HIBADH: variants seen among roughly 807,000 people sequenced by gnomAD.
The protein encoded by HIBADH is 3-hydroxyisobutyrate dehydrogenase, also known as 3-hydroxyisobutyrate dehydrogenase, mitochondrial.
Under a neutral mutation model 36.1 loss-of-function variants are expected in HIBADH, and 25 were observed. The observed-to-expected ratio is 0.69, with a 90% CI of 0.50 to 0.97. The LOEUF (loss-of-function observed/expected upper bound fraction) is 0.97. HIBADH is among the 50% of genes least tolerant of loss of function. The pLI, the probability that HIBADH is intolerant of heterozygous loss-of-function variation, is 0.00. For missense variants in HIBADH, 421 were observed against 418.0 expected, an observed-to-expected ratio of 1.01 and a Z score of -0.06; for synonymous variants, 160 against 149.5, an observed-to-expected ratio of 1.07 and a Z score of -0.51.
chr7:27,549,981 C>T (rs1024219338), intron 4 of HIBADH, among the ~76,000 whole-genome samples: 7 of 152,194 alleles, frequency 4.6e-5, no homozygotes, highest in East Asian at 1.9e-4. Context: ...AATCTCAGCT[C>T]ATTGCAACCT....
intron 4 of HIBADH, among the ~76,000 whole-genome samples, chr7:27,575,198 G>A (rs774691687): frequency 3.3e-5 from 5 of 152,114 alleles, no homozygotes; most frequent in Non-Finnish European, 7.4e-5. Context: ...AAGAATCTCT[G>A]GACTTACAGT....
chr7:27,611,069 TAACTC>T (rs373554954), intron 4 of HIBADH, among the ~76,000 whole-genome samples: 17 of 152,328 alleles, frequency 1.1e-4, no homozygotes, highest in African/African-American at 4.1e-4. Flanking sequence ...TACTAAAACT[TAACTC>T]AGCCAAGTAG....
intron 4 of HIBADH, among the ~76,000 whole-genome samples, chr7:27,558,907 G>A (rs988318226): frequency 5.9e-5 from 9 of 152,148 alleles, no homozygotes; most frequent in Non-Finnish European, 1.3e-4. Flanking sequence ...TGAAATGGTA[G>A]CTGTATTAGT....
chr7:27,654,713 G>C (rs1786266203), intron 1 of HIBADH, among the ~76,000 whole-genome samples: 1 of 148,806 alleles, frequency 6.7e-6, no homozygotes, highest in South Asian at 2.1e-4. Context: ...TTTTTGGACA[G>C]GGTCTCACTC....
At chr7:27,582,719 A>G (rs897537953) in intron 4 of HIBADH, among the ~76,000 whole-genome samples, 1 of 152,158 alleles carries the variant, frequency 6.6e-6, no homozygotes, top group African/African-American at 2.4e-5. Context: ...TTCCCAGAGT[A>G]AGAAGCTGGG....
intron 5 of HIBADH, 75 bp from the exon 6 acceptor site, chr7:27,538,492 A>C: frequency 2.5e-6 from 3 of 1,182,194 alleles, no homozygotes; most frequent in Non-Finnish European, 3.8e-6. Context: ...TCCTTGCCCA[A>C]TTCCAGGGGC....
At chr7:27,576,606 C>T (rs2128188764) in intron 4 of HIBADH, among the ~76,000 whole-genome samples, 1 of 152,248 alleles carries the variant, frequency 6.6e-6, no homozygotes, top group Middle Eastern at 3.4e-3. Context: ...ATTTGAAGAA[C>T]CTATTTACCC....
intron 4 of HIBADH, among the ~76,000 whole-genome samples, chr7:27,623,205 TC>T (rs1180088068): frequency 6.6e-6 from 1 of 152,034 alleles, no homozygotes; most frequent in Non-Finnish European, 1.5e-5. Flanking sequence ...AAATTCCACA[TC>T]CCTTCATAAT....
At chr7:27,633,616 G>A (rs958343565) in intron 2 of HIBADH, among the ~76,000 whole-genome samples, 6 of 151,930 alleles carry the variant, frequency 3.9e-5, no homozygotes, top group African/African-American at 1.5e-4. Flanking sequence ...CTATGATCGC[G>A]CCACCATACT....
At chr7:27,649,901 C>A (rs886391037) in intron 1 of HIBADH, among the ~76,000 whole-genome samples, 6 of 151,226 alleles carry the variant, frequency 4.0e-5, no homozygotes, top group African/African-American at 1.5e-4. Context: ...AAAAAAAAAC[C>A]CACTAACTTT....
intron 4 of HIBADH, among the ~76,000 whole-genome samples, chr7:27,612,848 C>A (rs1016772508): frequency 6.8e-6 from 1 of 147,260 alleles, no homozygotes; most frequent in East Asian, 2.0e-4. Context: ...CCTAGATATT[C>A]CAAGCAGAAG....
chr7:27,602,432 G>A (rs958452957), intron 4 of HIBADH, among the ~76,000 whole-genome samples: 15 of 152,084 alleles, frequency 9.9e-5, no homozygotes, highest in African/African-American at 2.7e-4. Context: ...AGAGTGCAGG[G>A]AAGAAAAAGC....
intron 3 of HIBADH, among the ~76,000 whole-genome samples, chr7:27,630,193 G>C (rs1785723269): frequency 6.6e-6 from 1 of 152,128 alleles, no homozygotes; most frequent in South Asian, 2.1e-4. Context: ...TTTATTTAAA[G>C]GGTATGGCTA....
intron 2 of HIBADH, among the ~76,000 whole-genome samples, chr7:27,634,019 G>GTAAT (rs1335084951): frequency 6.6e-6 from 1 of 152,188 alleles, no homozygotes; most frequent in Non-Finnish European, 1.5e-5. Flanking sequence ...AGAGCTAGAA[G>GTAAT]TAATTACATT....
chr7:27,531,439 C>G (rs1014372), intron 6 of HIBADH, 91 bp from the exon 7 acceptor site: 141,653 of 1,136,710 alleles, frequency 0.12, 9,827 homozygotes, highest in Non-Finnish European at 0.14. Context: ...CATCTTCTCT[C>G]TCCATTTATT....
intron 3 of HIBADH, among the ~76,000 whole-genome samples, chr7:27,632,032 C>G (rs950914135): frequency 6.6e-6 from 1 of 152,104 alleles, no homozygotes; most frequent in Non-Finnish European, 1.5e-5. Context: ...ATATTATTAA[C>G]AGTTGCAGTT....
rs1583607429 is a variant in HIBADH, at chr7:27,628,291, T to C, written c.484+1080A>G. Among the ~76,000 whole-genome samples the C allele has an allele frequency of 3.3e-5, 5 of 152,122 alleles. 1 individual carries two copies. The highest frequency in any genetic ancestry group is 3.3e-4 in the Admixed American group (5 of 15,266). ...AAAATCATTTGGGATATAAGGTACC[T>C]CTACAAGATCATTAAGTTCTTTATA... On this transcript the variant is annotated intron_variant, in intron 4 of 7. Coordinates refer to ENST00000265395, the MANE Select transcript of HIBADH (RefSeq NM_152740.4).
chr7:27,655,551 G>C (rs1396861537), intron 1 of HIBADH, among the ~76,000 whole-genome samples: 5 of 151,766 alleles, frequency 3.3e-5, no homozygotes, highest in Non-Finnish European at 7.4e-5. Context: ...ATAAAACAAG[G>C]GGAAAAAGAT....
chr7:27,654,889 G>A (rs1439023571), intron 1 of HIBADH, among the ~76,000 whole-genome samples: 1 of 152,058 alleles, frequency 6.6e-6, no homozygotes, highest in Non-Finnish European at 1.5e-5. Flanking sequence ...GTTTCATCAT[G>A]TTGGCCAGAC....
Sources: gnomAD v4.1 joint callset for allele counts (sites outside exome capture counted in the v4.1 genomes callset) on GRCh38, gnomAD v4.1.1 for gene constraint, MANE v1.5 for transcripts, NCBI Gene and HGNC (gene_info 2026-07-23, HGNC 2026-07-21) for gene names.